The following STK33 variants were observed in gnomAD, a reference collection of about 807,000 sequenced individuals.
STK33 encodes serine/threonine kinase 33.
A neutral mutation model predicts 58.0 loss-of-function variants in STK33; 52 were observed. The observed-to-expected ratio is 0.90, with a 90% CI of 0.72 to 1.13. STK33 has a LOEUF of 1.13. STK33 is among the 50% of genes most tolerant of loss of function. STK33 has a pLI of 0.00. For missense variants in STK33, 630 were observed against 604.2 expected (o/e 1.04, Z -0.45); for synonymous variants, 215 against 200.1 (o/e 1.07, Z -0.63).
chr11:8,424,727 C>A (rs781468453), intron 14 of STK33, among the ~76,000 whole-genome samples: 9 of 146,548 alleles, frequency 6.1e-5, no homozygotes, highest in Non-Finnish European at 1.1e-4. Flanking sequence ...ATTCACATTT[C>A]TCTGATGGCC....
At chr11:8,437,551 C>A (rs1944229368) in intron 12 of STK33, among the ~76,000 whole-genome samples, 1 of 152,276 alleles carries the variant, frequency 6.6e-6, no homozygotes, top group African/African-American at 2.4e-5. Context: ...AATAAAATGG[C>A]ATAATTTCAT....
chr11:8,537,809 C>CA (rs11367717), intron 1 of STK33, among the ~76,000 whole-genome samples: 133 of 118,148 alleles, frequency 1.1e-3, no homozygotes, highest in East Asian at 2.0e-3. Context: ...GACTCTGTTT[C>CA]AAAAAAAAAA....
At chr11:8,344,454 C>A in the STK33 span, among the ~76,000 whole-genome samples, 1 of 152,202 alleles carries the variant, frequency 6.6e-6, no homozygotes, top group Non-Finnish European at 1.5e-5. Flanking sequence ...AGTCCAAGAG[C>A]TTTACCATTA....
At chr11:8,568,070 G>T (rs190554440) in intron 1 of STK33, among the ~76,000 whole-genome samples, 23 of 152,224 alleles carry the variant, frequency 1.5e-4, no homozygotes, top group African/African-American at 5.5e-4. Context: ...TTGAAAGATG[G>T]TCTATAATTC....
At chr11:8,376,362 C>A in the STK33 span, among the ~76,000 whole-genome samples, 2 of 152,090 alleles carry the variant, frequency 1.3e-5, no homozygotes, top group East Asian at 3.9e-4. Context: ...TTGGGTGGGG[C>A]TGGGTGGAGG....
At chr11:8,401,426 C>G (rs945980704) in intron 15 of STK33, among the ~76,000 whole-genome samples, 5 of 152,142 alleles carry the variant, frequency 3.3e-5, no homozygotes, top group African/African-American at 1.2e-4. Flanking sequence ...ATGTAGAAAG[C>G]TGAAACTGGA....
At chr11:8,549,847 T>C (rs1342513757) in intron 1 of STK33, among the ~76,000 whole-genome samples, 3 of 152,218 alleles carry the variant, frequency 2.0e-5, no homozygotes, top group African/African-American at 7.2e-5. Context: ...TGATTTTATT[T>C]ATTTGGGTCT....
intron 1 of STK33, among the ~76,000 whole-genome samples, chr11:8,488,811 G>A (rs1298054270): frequency 1.3e-5 from 2 of 152,086 alleles, no homozygotes; most frequent in Non-Finnish European, 1.5e-5. Flanking sequence ...ATGAGATATG[G>A]GAAAGAAAAC....
At chr11:8,524,785 G>T (rs556727746) in intron 1 of STK33, among the ~76,000 whole-genome samples, 3 of 151,766 alleles carry the variant, frequency 2.0e-5, no homozygotes, top group Non-Finnish European at 4.4e-5. Flanking sequence ...ATTAAGTAAG[G>T]ACTTACTGTA....
chr11:8,469,424 C>T (rs1398717810), intron 6 of STK33, among the ~76,000 whole-genome samples: 1 of 152,226 alleles, frequency 6.6e-6, no homozygotes, highest in Non-Finnish European at 1.5e-5. Context: ...GTCCCATCTT[C>T]AGGCTCCACT....
intron 1 of STK33, among the ~76,000 whole-genome samples, chr11:8,525,496 A>G (rs1953946778): frequency 6.6e-6 from 1 of 152,238 alleles, no homozygotes; most frequent in African/African-American, 2.4e-5. Context: ...AAAGCAGTGA[A>G]AAAATTATAG....
the STK33 span, among the ~76,000 whole-genome samples, chr11:8,335,641 T>C: frequency 3.9e-5 from 6 of 152,324 alleles, no homozygotes; most frequent in South Asian, 1.0e-3. Context: ...AGAAATACAA[T>C]GTGAGCCACA....
intron 14 of STK33, among the ~76,000 whole-genome samples, chr11:8,420,679 T>C (rs1442283795): frequency 6.6e-6 from 1 of 152,202 alleles, no homozygotes; most frequent in East Asian, 1.9e-4. Flanking sequence ...TGTATATATT[T>C]TTTATCACAA....
At chr11:8,583,755 T>C (rs1565419180) in intron 1 of STK33, among the ~76,000 whole-genome samples, 1 of 152,002 alleles carries the variant, frequency 6.6e-6, no homozygotes, top group East Asian at 1.9e-4. Flanking sequence ...AAGAATCAAA[T>C]AAAATAAAAA....
At chr11:8,381,892 T>C in the STK33 span, among the ~76,000 whole-genome samples, 1 of 152,122 alleles carries the variant, frequency 6.6e-6, no homozygotes, top group Non-Finnish European at 1.5e-5. Flanking sequence ...GGGGCCCAGA[T>C]AGGAAACAGA....
the STK33 span, among the ~76,000 whole-genome samples, chr11:8,347,676 C>T: frequency 1.3e-4 from 20 of 152,306 alleles, no homozygotes; most frequent in South Asian, 4.1e-3. Context: ...AGTCATGTGG[C>T]CCCACCATTG....
At chr11:8,505,062 G>A (rs1951773898) in intron 1 of STK33, among the ~76,000 whole-genome samples, 1 of 152,180 alleles carries the variant, frequency 6.6e-6, no homozygotes, top group Non-Finnish European at 1.5e-5. Flanking sequence ...ATTGGCAAAT[G>A]CCATAAATCA....
intron 12 of STK33, among the ~76,000 whole-genome samples, chr11:8,438,792 A>G (rs1944378331): frequency 6.6e-6 from 1 of 152,198 alleles, no homozygotes; most frequent in South Asian, 2.1e-4. Flanking sequence ...TTCAGAGTAT[A>G]AAAGACTAAT....
At chr11:8,553,251 G>GATATAT (rs111734670) in intron 1 of STK33, among the ~76,000 whole-genome samples, 2 of 112,606 alleles carry the variant, frequency 1.8e-5, no homozygotes, top group South Asian at 2.9e-4. Context: ...TGATATATAT[G>GATATAT]ATATATATAT....
Sources: allele counts gnomAD v4.1 joint callset (sites outside exome capture counted in the v4.1 genomes callset), GRCh38; gene constraint gnomAD v4.1.1; transcripts MANE v1.5; gene names NCBI Gene and HGNC (gene_info 2026-07-23, HGNC 2026-07-21).